The following FMNL2 variants were observed in gnomAD, a reference collection of about 807,000 sequenced individuals.
FMNL2 encodes formin like 2.
FMNL2 carries 51 observed loss-of-function variants against 130.2 expected under a neutral mutation model. The ratio of observed to expected loss-of-function variants is 0.39; its 90% CI spans 0.31 to 0.49. FMNL2 has a LOEUF of 0.49. Ranked by LOEUF, FMNL2 falls within the 20% of genes least tolerant of loss-of-function variation. The pLI is 0.85. For missense variants in FMNL2, 977 were observed against 1,316.2 expected (o/e 0.74, Z 3.99); for synonymous variants, 465 against 467.1 (o/e 1.00, Z 0.06).
intron 1 of FMNL2, among the ~76,000 whole-genome samples, chr2:152,509,763 T>TTTTTTTTTTTTTG: frequency 6.9e-6 from 1 of 144,746 alleles, no homozygotes. Flanking sequence ...TTTTTTTTTT[T>TTTTTTTTTTTTTG]GAGAGAGGGT....
At chr2:152,376,977 G>A (rs1684210999) in intron 1 of FMNL2, among the ~76,000 whole-genome samples, 1 of 152,220 alleles carries the variant, frequency 6.6e-6, no homozygotes, top group Non-Finnish European at 1.5e-5. Flanking sequence ...TCACCTGGAA[G>A]GAGGCAGTAT....
intron 11 of FMNL2, among the ~76,000 whole-genome samples, chr2:152,614,027 T>G (rs1488317137): frequency 6.6e-6 from 1 of 152,156 alleles, no homozygotes; most frequent in East Asian, 1.9e-4. Flanking sequence ...GAGGTTGGGC[T>G]CTAGCAATTT....
Position 152,629,677 on chromosome 2 carries a change from G to A in FMNL2, c.2422G>A (p.Ala808Thr). ...CTAGCAACTACATGCGATTATAGCA[G>A]CATCTGTCTCTATAAAGTCGTCCCA... ...LTPQLHAIIA[A>T]SVSIKSSQKL... Residue 808 changes from alanine to threonine, a missense_variant, in exon 19 of 26, where the codon GCA becomes ACA. Coordinates refer to ENST00000288670, the MANE Select transcript of FMNL2 (RefSeq NM_052905.4). 1 of 1,601,766 alleles carries A rather than the reference G, an allele frequency of 6.2e-7. No homozygotes were observed. Among genetic ancestry groups the A allele is most frequent in the Non-Finnish European group, 8.5e-7 (1 of 1,173,502 alleles).
chr2:152,398,419 T>C (rs1163468907), intron 1 of FMNL2, among the ~76,000 whole-genome samples: 3 of 152,268 alleles, frequency 2.0e-5, no homozygotes, highest in Non-Finnish European at 2.9e-5. Context: ...AGATGCTTTA[T>C]ATATTGCTTG....
intron 1 of FMNL2, among the ~76,000 whole-genome samples, chr2:152,472,845 A>G (rs1579748581): frequency 6.6e-6 from 1 of 152,330 alleles, no homozygotes; most frequent in Non-Finnish European, 1.5e-5. Context: ...AAATGATGAT[A>G]ATCTGTCTTA....
At chr2:152,543,612 A>G (rs1180871122) in intron 3 of FMNL2, among the ~76,000 whole-genome samples, 3 of 151,646 alleles carry the variant, frequency 2.0e-5, no homozygotes, top group Admixed American at 1.3e-4. Flanking sequence ...TGAGAAAAGA[A>G]TGGTATACTT....
intron 1 of FMNL2, among the ~76,000 whole-genome samples, chr2:152,502,642 G>T (rs536689711): frequency 6.6e-6 from 1 of 152,156 alleles, no homozygotes; most frequent in Non-Finnish European, 1.5e-5. Flanking sequence ...AGTCAAGGTC[G>T]TGCCACTGCA....
chr2:152,340,907 G>A (rs1348389474), intron 1 of FMNL2, among the ~76,000 whole-genome samples: 1 of 152,038 alleles, frequency 6.6e-6, no homozygotes, highest in Non-Finnish European at 1.5e-5. Context: ...GGCCAGGCTG[G>A]TCTTGAACTC....
At position 152,631,962 on chromosome 2, in the gene FMNL2, T is replaced by A. The variant is rs761790475; in HGVS notation, c.2551-46T>A. 8 of 1,573,908 alleles carry A rather than the reference T, an allele frequency of 5.1e-6. No homozygotes were observed. The East Asian group carries it at 1.6e-4, about 31-fold the overall frequency. ...CGTCACCTGAGGGGTAAGTGTCTTG[T>A]TACCCTTTACTCTTGTACCTAACCC... On this transcript the variant is annotated intron_variant, in intron 20 of 25. Coordinates refer to ENST00000288670, the MANE Select transcript of FMNL2 (RefSeq NM_052905.4).
chr2:152,611,208 A>G (rs1323030114), intron 10 of FMNL2, among the ~76,000 whole-genome samples: 3 of 151,980 alleles, frequency 2.0e-5, no homozygotes, highest in African/African-American at 7.3e-5. Context: ...GCGTGGTGGC[A>G]CCTGCCTGTA....
rs139850693 is a variant in FMNL2, at chr2:152,589,621, G to A, written c.876+8572G>A. Reference sequence around the variant, plus strand: ...ATATTGTCTGGTTTAAGGTACAGAAGGACACTATGAAGCACTCTGCTGTGA... The same window carrying A: ...ATATTGTCTGGTTTAAGGTACAGAAAGACACTATGAAGCACTCTGCTGTGA... On this transcript the variant is annotated intron_variant, in intron 9 of 25. Transcript: ENST00000288670. Among the ~76,000 whole-genome samples the A allele has an allele frequency of 1.8e-3, 278 of 152,192 alleles. 2 individuals are homozygous for A. Among genetic ancestry groups the A allele is most frequent in the African/African-American group, 6.5e-3 (272 of 41,530 alleles).
chr2:152,357,093 ATAAGTTTAATGTATCACGATAAATATTAC>A (rs1682857505), intron 1 of FMNL2, among the ~76,000 whole-genome samples: 1 of 36,632 alleles, frequency 2.7e-5, no homozygotes, highest in Admixed American at 2.7e-4. Flanking sequence ...TAAATATTAC[ATAAGTTTAATGTATCACGATAAATATTAC>A]ATCAGTTTAA....
chr2:152,645,614 G>C, intron 25 of FMNL2: 1 of 828,564 alleles, frequency 1.2e-6, no homozygotes, highest in Non-Finnish European at 1.7e-6. Context: ...ATACTGGTGA[G>C]AATCTGACCA....
At chr2:152,645,357 A>G (rs1272531663) in intron 25 of FMNL2, 11 of 725,056 alleles carry the variant, frequency 1.5e-5, no homozygotes, top group Non-Finnish European at 2.3e-5. Flanking sequence ...AATGTTGAGC[A>G]CTAAGTTGAG....
intron 25 of FMNL2, among the ~76,000 whole-genome samples, chr2:152,645,033 C>T (rs1410242838): frequency 1.3e-5 from 2 of 152,100 alleles, no homozygotes; most frequent in Non-Finnish European, 2.9e-5. Context: ...CATAACTATT[C>T]TATGAATTGC....
At chr2:152,606,140 A>G (rs1698346519) in intron 9 of FMNL2, among the ~76,000 whole-genome samples, 1 of 152,244 alleles carries the variant, frequency 6.6e-6, no homozygotes. Context: ...AAATGGCTGC[A>G]TTATGAAATA....
chr2:152,572,710 T>C (rs1696242261), intron 6 of FMNL2, among the ~76,000 whole-genome samples: 1 of 152,088 alleles, frequency 6.6e-6, no homozygotes, highest in African/African-American at 2.4e-5. Context: ...GGTACTGCAC[T>C]TCAGCCTGGG....
intron 1 of FMNL2, among the ~76,000 whole-genome samples, chr2:152,502,265 G>A (rs766457352): frequency 2.6e-5 from 4 of 152,166 alleles, no homozygotes; most frequent in Non-Finnish European, 5.9e-5. Context: ...TGAAAGCAGC[G>A]TCTATTCATT....
chr2:152,607,005 T>TG (rs1553485772), intron 9 of FMNL2, among the ~76,000 whole-genome samples: 6 of 130,800 alleles, frequency 4.6e-5, no homozygotes, highest in East Asian at 3.3e-4. Flanking sequence ...TTTTTTTTTT[T>TG]GTTTTTTTTT....
Sources: gnomAD v4.1 joint callset for allele counts (sites outside exome capture counted in the v4.1 genomes callset) on GRCh38, gnomAD v4.1.1 for gene constraint, MANE v1.5 for transcripts, NCBI Gene and HGNC (gene_info 2026-07-23, HGNC 2026-07-21) for gene names.